KIFC1: variants seen among roughly 807,000 people sequenced by gnomAD.
KIFC1 encodes kinesin family member C1, also known as kinesin-like protein KIFC1.
A neutral mutation model predicts 66.6 loss-of-function variants in KIFC1; 37 were observed. The observed-to-expected ratio is 0.56, with a 90% CI of 0.43 to 0.73. The LOEUF (loss-of-function observed/expected upper bound fraction) is 0.73. Ranked by LOEUF, KIFC1 falls within the 30% of genes least tolerant of loss-of-function variation. The pLI is 0.00. For synonymous variants in KIFC1, 325 were observed against 343.5 expected (o/e 0.95, Z 0.60); for missense variants, 721 against 859.8 (o/e 0.84, Z 2.02).
chr6:33,395,101 C>A lies in KIFC1; in HGVS notation c.13-2928C>A, dbSNP rs113724228. On this transcript the variant is annotated intron_variant, in intron 1 of 10. Transcript: ENST00000428849. ...TTAGCAACATGAAGTTACTTGTGAT[C>A]TTGAGGATAGCAATTTCGATGGAAT... 8.4e-3 allele frequency among the ~76,000 whole-genome samples: 1,284 copies of A among 152,216 alleles called. 12 individuals carry two copies. Among genetic ancestry groups the A allele is most frequent in the Middle Eastern group, 0.031 (9 of 294 alleles).
intron 10 of KIFC1, among the ~76,000 whole-genome samples, chr6:33,407,629 A>G (rs975147123): frequency 2.6e-5 from 4 of 152,236 alleles, no homozygotes; most frequent in East Asian, 1.9e-4. Context: ...AGTTACATCT[A>G]ACTAGGGAAA....
chr6:33,409,630 A>C lies in KIFC1; in HGVS notation c.1978-16A>C, dbSNP rs767087913. On this transcript the variant is annotated splice_polypyrimidine_tract_variant and intron_variant, in intron 10 of 10. Coordinates refer to ENST00000428849, the MANE Select transcript of KIFC1 (RefSeq NM_002263.4). Reference sequence around the variant, plus strand: ...TACGCTGCAAACTTTTATCCTGTCTAACCCCCTGCCCCCAGGTGAACCAGT... The same window carrying C: ...TACGCTGCAAACTTTTATCCTGTCTCACCCCCTGCCCCCAGGTGAACCAGT... The C allele has an allele frequency of 5.6e-6, 9 of 1,612,636 alleles. No homozygotes were observed. The East Asian group carries it at 2.0e-4, about 36-fold the overall frequency.
rs533235601 is a variant in KIFC1 at position 33,405,051 on chromosome 6, C to T, written c.956C>T (p.Pro319Leu). The change falls in exon 7 of 11, where the codon CCT becomes CTT. Residue 319 changes from proline to leucine, a missense_variant. Transcript: ENST00000428849. The surrounding 1 kb of genome is among the most constrained non-coding windows in gnomAD (Gnocchi z 5.4). ...ATCCGTGTATTCTGCCGGGTCCGCC[C>T]TGTCCTGCCGGGGGAGCCCACTCCA... ...GNIRVFCRVR[P>L]VLPGEPTPPP... 6.2e-7 allele frequency: 1 copy of T among 1,614,154 alleles called. No homozygotes were observed. The highest frequency in any genetic ancestry group is 1.1e-5 in the South Asian group (1 of 91,084).
Position 33,403,315 on chromosome 6 carries a change from T to C in KIFC1, c.252T>C (p.Ala84=). ...TVPQTQGQTT[A]QKVSKKTGPR... The stretch of plus-strand genomic sequence containing the variant: ...TGCTCTCTCCCATCTCCTGGGCAGC[T>C]CAAAAAGTTTCCAAGAAGACAGGAC... Residue 84 remains alanine (A), a splice_region_variant and synonymous_variant, in exon 4 of 11, where the codon GCT becomes GCC. Coordinates refer to ENST00000428849, the MANE Select transcript of KIFC1 (RefSeq NM_002263.4). This position sits in a 1 kb window ranked among gnomAD's most constrained non-coding sequence, Gnocchi z 4.6. 1 of 1,613,038 alleles carries C rather than the reference T, an allele frequency of 6.2e-7. No individual in the cohort carries two copies. The highest frequency in any genetic ancestry group is 8.5e-7 in the Non-Finnish European group (1 of 1,179,830).
intron 10 of KIFC1, among the ~76,000 whole-genome samples, chr6:33,408,114 A>G (rs1775741008): frequency 1.3e-5 from 2 of 152,240 alleles, no homozygotes; most frequent in African/African-American, 2.4e-5. Context: ...ATCCAACAAC[A>G]TGAACTTTAA....
chr6:33,398,204 G>A (rs777888749), intron 2 of KIFC1, 38 bp downstream of exon 2: 1 of 1,611,014 alleles, frequency 6.2e-7, no homozygotes, highest in African/African-American at 1.3e-5. Flanking sequence ...GTGTGTGGGG[G>A]GTGTGTGTGT....
intron 10 of KIFC1, among the ~76,000 whole-genome samples, chr6:33,409,338 T>C (rs776526888): frequency 5.3e-5 from 8 of 152,174 alleles, no homozygotes; most frequent in Non-Finnish European, 1.2e-4. Flanking sequence ...TTTATCTCGG[T>C]TTAAGTGTTT....
intron 1 of KIFC1, among the ~76,000 whole-genome samples, chr6:33,393,957 C>A (rs960322645): frequency 6.6e-6 from 1 of 151,678 alleles, no homozygotes; most frequent in East Asian, 1.9e-4. Flanking sequence ...CGCGTTAGCC[C>A]GGATGGTCTC....
chr6:33,409,521 G>C, intron 10 of KIFC1, 125 bp from the exon 11 acceptor site: 4 of 941,308 alleles, frequency 4.2e-6, no homozygotes, highest in Non-Finnish European at 7.0e-6. Flanking sequence ...GCCTGAACCA[G>C]CCTTTGGAGG....
Position 33,406,074 on chromosome 6 carries a change from T to C in KIFC1, c.1537-122T>C, listed in dbSNP as rs1217443370. On this transcript the variant is annotated intron_variant, in intron 7 of 10. Transcript: ENST00000428849. The surrounding 1 kb of genome is among the most constrained non-coding windows in gnomAD (Gnocchi z 4.5). ...ATTTTCAGACATACTGTGCATCTTA[T>C]TTTGTTTCTTGACAGGCTAGAAAGC... 24 of 897,138 alleles carry C rather than the reference T, an allele frequency of 2.7e-5. 1 individual carries two copies. The South Asian group carries it at 3.3e-4, about 12-fold the overall frequency. 55.6% of individuals were successfully genotyped at this position (897,138 alleles called of 1,614,324 possible). A position where few individuals can be genotyped will look rare whatever the true frequency, so the allele number is the denominator to read the frequency against.
In KIFC1 at chr6:33,405,728, A is replaced by G; in HGVS notation, c.1536+97A>G. On this transcript the variant is annotated intron_variant, in intron 7 of 10. Coordinates refer to ENST00000428849, the MANE Select transcript of KIFC1 (RefSeq NM_002263.4). The surrounding 1 kb of genome is among the most constrained non-coding windows in gnomAD (Gnocchi z 5.4). ...GGAGAAAGGAGCAAGAGAGAATTGA[A>G]GGATGAAGTGCAAGTTATCAGGCTG... The G allele has an allele frequency of 8.0e-7, 1 of 1,250,594 alleles. No homozygotes were observed. The highest frequency in any genetic ancestry group is 1.1e-6 in the Non-Finnish European group (1 of 943,910). 77.5% of individuals were successfully genotyped at this position (1,250,594 alleles called of 1,614,324 possible). A position where few individuals can be genotyped will look rare whatever the true frequency, so the allele number is the denominator to read the frequency against.
rs748381623 is a variant in KIFC1 at position 33,403,041 on chromosome 6, A to G, written c.251-273A>G. 6.6e-5 allele frequency among the ~76,000 whole-genome samples: 10 copies of G among 152,074 alleles called. No individual in the cohort carries two copies. The highest frequency in any genetic ancestry group is 1.2e-4 in the Non-Finnish European group (8 of 68,008). ...GTGTGCATAGACTATATTTAATACT[A>G]TATACCTATTTATGTAAGGGACTTG... On this transcript the variant is annotated intron_variant, in intron 3 of 10. Transcript: ENST00000428849. This position sits in a 1 kb window ranked among gnomAD's most constrained non-coding sequence, Gnocchi z 4.6.
chr6:33,396,939 C>T (rs113636265), intron 1 of KIFC1, among the ~76,000 whole-genome samples: 87 of 151,378 alleles, frequency 5.7e-4, no homozygotes, highest in Non-Finnish European at 1.1e-3. Flanking sequence ...GCCTCGGCCT[C>T]CCAAAGTGCT....
chr6:33,395,138 A>G (rs1478875737), intron 1 of KIFC1, among the ~76,000 whole-genome samples: 2 of 152,184 alleles, frequency 1.3e-5, no homozygotes, highest in Non-Finnish European at 2.9e-5. Flanking sequence ...GTGGGAATGA[A>G]AGCCTGATTG....
Position 33,403,475 on chromosome 6 carries a change from A to C in KIFC1, c.305-10A>C. ...CCTGTAATTCCTAAGTCACCTCCTC[A>C]ATTCTGTAGGGTTGAAGAACCAGAA... On this transcript the variant is annotated splice_polypyrimidine_tract_variant and intron_variant, in intron 4 of 10. Transcript: ENST00000428849. This position sits in a 1 kb window ranked among gnomAD's most constrained non-coding sequence, Gnocchi z 4.6. 1 of 1,614,036 alleles carries C rather than the reference A, an allele frequency of 6.2e-7. No homozygotes were observed. Among genetic ancestry groups the C allele is most frequent in the Non-Finnish European group, 8.5e-7 (1 of 1,179,870 alleles).
At position 33,405,509 on chromosome 6, in the gene KIFC1, C is replaced by T; in HGVS notation, c.1414C>T (p.Leu472=). ...VEIYNETVRD[L]LATGTRKGQG... is the part of the protein sequence containing the mutation. ...GATCTACAATGAGACTGTCCGGGAC[C>T]TGCTGGCCACTGGAACCCGGAAGGG... is the stretch of plus-strand genomic sequence containing the variant. The change falls in exon 7 of 11, where the codon CTG becomes TTG. Residue 472 remains leucine, a synonymous_variant. Transcript: ENST00000428849. This position sits in a 1 kb window ranked among gnomAD's most constrained non-coding sequence, Gnocchi z 5.4. 3 of 1,612,632 alleles carry T rather than the reference C, an allele frequency of 1.9e-6. No individual in the cohort carries two copies. The highest frequency in any genetic ancestry group is 8.5e-7 in the Non-Finnish European group (1 of 1,179,304).
At position 33,404,957 on chromosome 6, in the gene KIFC1, G is replaced by C; in HGVS notation, c.862G>C (p.Glu288Gln). 6.2e-7 allele frequency: 1 copy of C among 1,614,172 alleles called. No homozygotes were observed. The highest frequency in any genetic ancestry group is 1.1e-5 in the South Asian group (1 of 91,090). Residue 288 changes from glutamate (E) to glutamine (Q), a missense_variant, in exon 7 of 11, where the codon GAA becomes CAA. Transcript: ENST00000428849. This position sits in a 1 kb window ranked among gnomAD's most constrained non-coding sequence, Gnocchi z 4.0. ...GGCAGCCTTACTGACTGAGCGGGAA[G>C]AACGTCTTCATGGGCTAGAAATGGA... Reference protein sequence around the residue: ...AQAALLTEREERLHGLEMERR... With the variant: ...AQAALLTEREQRLHGLEMERR...
intron 10 of KIFC1, among the ~76,000 whole-genome samples, chr6:33,408,499 G>A (rs548207780): frequency 6.6e-6 from 1 of 152,148 alleles, no homozygotes; most frequent in East Asian, 1.9e-4. Context: ...TTCTAAATGG[G>A]GATTTTTCTA....
At chr6:33,397,174 A>T (rs1175021499) in intron 1 of KIFC1, among the ~76,000 whole-genome samples, 1 of 145,896 alleles carries the variant, frequency 6.9e-6, no homozygotes, top group Non-Finnish European at 1.5e-5. Flanking sequence ...ACAGGGTTTC[A>T]CCATGTTGGT....
Sources: gnomAD v4.1 joint callset for allele counts (sites outside exome capture counted in the v4.1 genomes callset) on GRCh38, gnomAD v4.1.1 for gene constraint, Gnocchi (gnomAD v3.1) non-coding constraint, MANE v1.5 for transcripts, NCBI Gene and HGNC (gene_info 2026-07-23, HGNC 2026-07-21) for gene names.